Variants in ZNF804A observed in about 807,000 individuals in gnomAD.
ZNF804A encodes zinc finger protein 804A.
ZNF804A carries 2 observed loss-of-function variants against 16.5 expected under a neutral mutation model. The observed-to-expected ratio is 0.12, with a 90% confidence interval of 0.05 to 0.38. The LOEUF (loss-of-function observed/expected upper bound fraction) is 0.38. ZNF804A is among the 10% of genes least tolerant of loss of function. The probability of loss-of-function intolerance (pLI) is 0.99; values close to 1 mark genes in which losing one functional copy is unlikely to be tolerated. For missense variants in ZNF804A, 1,473 were observed against 1,390.7 expected (o/e 1.06, Z -0.94); for synonymous variants, 534 against 489.6 (o/e 1.09, Z -1.20).
chr2:184,795,162 T>C (rs914065184), intron 1 of ZNF804A, among the ~76,000 whole-genome samples: 3 of 152,098 alleles, frequency 2.0e-5, no homozygotes, highest in Non-Finnish European at 4.4e-5. Context: ...GTAGACCATA[T>C]TTTAGGCCAC....
At chr2:184,599,948 C>T (rs947158883) in intron 1 of ZNF804A, among the ~76,000 whole-genome samples, 1 of 152,078 alleles carries the variant, frequency 6.6e-6, no homozygotes. Flanking sequence ...TATACACCTC[C>T]ATAAAGTAAA....
intron 2 of ZNF804A, among the ~76,000 whole-genome samples, chr2:184,877,324 C>T (rs1001590245): frequency 5.9e-5 from 9 of 152,010 alleles, no homozygotes; most frequent in Admixed American, 1.3e-4. Flanking sequence ...GAAATTGAGA[C>T]ACCTTCTGGG....
intron 1 of ZNF804A, among the ~76,000 whole-genome samples, chr2:184,818,736 A>G (rs577426994): frequency 6.6e-6 from 1 of 152,030 alleles, no homozygotes; most frequent in Admixed American, 6.6e-5. Flanking sequence ...AAAAAACAAA[A>G]AGCAGGAGTT....
intron 2 of ZNF804A, among the ~76,000 whole-genome samples, chr2:184,885,805 C>G (rs1007502767): frequency 2.0e-5 from 3 of 151,984 alleles, no homozygotes; most frequent in East Asian, 1.9e-4. Context: ...CAGGAAAGAC[C>G]GGGCCCCATG....
chr2:184,735,747 C>T (rs1466664457), intron 1 of ZNF804A, among the ~76,000 whole-genome samples: 1 of 152,020 alleles, frequency 6.6e-6, no homozygotes, highest in Non-Finnish European at 1.5e-5. Context: ...TTTCCAAGAG[C>T]AGTGTTCATA....
chr2:184,937,451 T>C lies in ZNF804A; in HGVS notation c.2055T>C (p.Asp685=), dbSNP rs1441696176. ...GGAATACTGAATACAACACTTATGA[T>C]ACTATCAGTTCTAAAAACCACTGTA... ...KTWNTEYNTY[D]TISSKNHCKK... Residue 685 remains aspartate (D), a synonymous_variant, in exon 4 of 4, where the codon GAT becomes GAC. Coordinates refer to ENST00000302277, the MANE Select transcript of ZNF804A (RefSeq NM_194250.2). 6.2e-7 allele frequency: 1 copy of C among 1,609,192 alleles called. No individual in the cohort carries two copies. Among genetic ancestry groups the C allele is most frequent in the African/African-American group, 1.3e-5 (1 of 74,838 alleles).
At chr2:184,873,571 T>C (rs1308727877) in intron 2 of ZNF804A, among the ~76,000 whole-genome samples, 1 of 152,194 alleles carries the variant, frequency 6.6e-6, no homozygotes, top group East Asian at 1.9e-4. Context: ...ACTAGGAATT[T>C]GTAATAACAT....
chr2:184,743,959 G>A (rs1027271255), intron 1 of ZNF804A, among the ~76,000 whole-genome samples: 1 of 151,802 alleles, frequency 6.6e-6, no homozygotes, highest in South Asian at 2.1e-4. Flanking sequence ...GTAATGTGTG[G>A]TCATCATTAT....
At chr2:184,836,640 G>C (rs532018322) in intron 1 of ZNF804A, among the ~76,000 whole-genome samples, 124 of 151,582 alleles carry the variant, frequency 8.2e-4, no homozygotes, top group African/African-American at 2.9e-3. Flanking sequence ...ATTATAGGTA[G>C]ATACATAGAT....
At position 184,920,478 on chromosome 2, in the gene ZNF804A, C is replaced by T. The variant is rs146098357; in HGVS notation, c.256-13125C>T. 2.6e-5 allele frequency among the ~76,000 whole-genome samples: 4 copies of T among 152,256 alleles called. No homozygotes were observed. The East Asian group carries it at 7.7e-4, about 29-fold the overall frequency. Reference sequence around the variant, plus strand: ...ATTTTCAAATGTCACCTTCTCAATGCGGACCTCTATGGTTAACACACTCTA... The same window carrying T: ...ATTTTCAAATGTCACCTTCTCAATGTGGACCTCTATGGTTAACACACTCTA... On this transcript the variant is annotated intron_variant, in intron 2 of 3. Coordinates refer to ENST00000302277, the MANE Select transcript of ZNF804A (RefSeq NM_194250.2).
intron 1 of ZNF804A, among the ~76,000 whole-genome samples, chr2:184,706,171 T>A (rs1048113518): frequency 3.9e-5 from 6 of 152,180 alleles, no homozygotes; most frequent in African/African-American, 1.2e-4. Flanking sequence ...AACCAGTGGA[T>A]ACAGCCCATG....
chr2:184,663,142 G>A (rs894043129), intron 1 of ZNF804A, among the ~76,000 whole-genome samples: 1 of 152,134 alleles, frequency 6.6e-6, no homozygotes, highest in Admixed American at 6.5e-5. Context: ...CTGCTGTCCT[G>A]GCCACAGCTG....
chr2:184,657,172 A>T (rs1422450093), intron 1 of ZNF804A, among the ~76,000 whole-genome samples: 1 of 152,018 alleles, frequency 6.6e-6, no homozygotes, highest in African/African-American at 2.4e-5. Flanking sequence ...GCAGGCCTTG[A>T]TCTCATGGGC....
At chr2:184,854,993 G>C (rs989058347) in intron 1 of ZNF804A, among the ~76,000 whole-genome samples, 2 of 152,036 alleles carry the variant, frequency 1.3e-5, no homozygotes, top group African/African-American at 4.8e-5. Flanking sequence ...TCACAAAGGA[G>C]TAGAAAATTC....
At chr2:184,806,743 T>C (rs1694811900) in intron 1 of ZNF804A, among the ~76,000 whole-genome samples, 1 of 151,816 alleles carries the variant, frequency 6.6e-6, no homozygotes, top group Non-Finnish European at 1.5e-5. Context: ...ATTACTTTTA[T>C]TTTTACAAAA....
chr2:184,682,898 C>T (rs1228288994), intron 1 of ZNF804A, among the ~76,000 whole-genome samples: 1 of 152,170 alleles, frequency 6.6e-6, no homozygotes, highest in African/African-American at 2.4e-5. Flanking sequence ...GTCCCAGCTA[C>T]TCTGGAGGCT....
Position 184,927,408 on chromosome 2 carries a change from C to T in ZNF804A, c.256-6195C>T, listed in dbSNP as rs181198773. On this transcript the variant is annotated intron_variant, in intron 2 of 3. Coordinates refer to ENST00000302277, the MANE Select transcript of ZNF804A (RefSeq NM_194250.2). ...GCTAGGGGTGGAGTGTCATAAACAC[C>T]CCTGTGGCCACCACCACTGGGATTG... Among the ~76,000 whole-genome samples, 406 of 152,304 alleles carry T rather than the reference C, an allele frequency of 2.7e-3. 1 individual carries two copies. Among genetic ancestry groups the T allele is most frequent in the Non-Finnish European group, 4.2e-3 (288 of 68,020 alleles).
At chr2:184,650,794 G>C (rs1428294473) in intron 1 of ZNF804A, among the ~76,000 whole-genome samples, 1 of 152,028 alleles carries the variant, frequency 6.6e-6, no homozygotes, top group Non-Finnish European at 1.5e-5. Context: ...GATGAAAGAA[G>C]TCATACATGA....
rs1376056607 is a variant in ZNF804A at position 184,899,667 on chromosome 2, AAT to A, written c.255+33157_255+33158del. Among the ~76,000 whole-genome samples the A allele has an allele frequency of 3.3e-5, 5 of 152,026 alleles. No homozygotes were observed. The East Asian group carries it at 9.6e-4, about 29-fold the overall frequency. On this transcript the variant is annotated intron_variant, in intron 2 of 3. Transcript: ENST00000302277. ...TCATTCTAAAATAAATTGAAAAAGT[AAT>A]ACTTTCAAAGTTATGAGTAACATTT...
Sources: gnomAD v4.1 joint callset for allele counts (sites outside exome capture counted in the v4.1 genomes callset) on GRCh38, gnomAD v4.1.1 for gene constraint, MANE v1.5 for transcripts, NCBI Gene and HGNC (gene_info 2026-07-23, HGNC 2026-07-21) for gene names.